The following ZFAT variants were observed in gnomAD, a reference collection of about 807,000 sequenced individuals.
ZFAT encodes zinc finger and AT-hook domain containing.
A neutral mutation model predicts 117.7 loss-of-function variants in ZFAT; 64 were observed. That is an observed-to-expected ratio of 0.54 (90% confidence interval 0.44 to 0.67). The LOEUF (loss-of-function observed/expected upper bound fraction) is 0.67. Among genes scored for constraint, ZFAT ranks in the 30% least tolerant of loss-of-function variants. The pLI is 0.00. For synonymous variants in ZFAT, 679 were observed against 615.0 expected, an observed-to-expected ratio of 1.10 and a Z score of -1.54; for missense variants, 1,433 against 1,584.5, an observed-to-expected ratio of 0.90 and a Z score of 1.62.
At chr8:134,656,458 T>G (rs994647009) in intron 2 of ZFAT, among the ~76,000 whole-genome samples, 5 of 152,164 alleles carry the variant, frequency 3.3e-5, no homozygotes, top group Admixed American at 1.3e-4. Flanking sequence ...GTGCTGCATC[T>G]TTTTCATTTT....
the ZFAT span, among the ~76,000 whole-genome samples, chr8:134,809,607 C>T: frequency 2.0e-5 from 3 of 152,188 alleles, no homozygotes; most frequent in African/African-American, 2.4e-5. Context: ...TGGAGTGATG[C>T]TATTACAGAC....
At chr8:134,552,717 T>C (rs1823261517) in intron 11 of ZFAT, among the ~76,000 whole-genome samples, 1 of 152,232 alleles carries the variant, frequency 6.6e-6, no homozygotes, top group Non-Finnish European at 1.5e-5. Context: ...AGGAGTGATC[T>C]GAGCTATTTG....
intron 12 of ZFAT, among the ~76,000 whole-genome samples, chr8:134,523,507 G>A (rs761870347): frequency 6.6e-6 from 1 of 152,168 alleles, no homozygotes; most frequent in Non-Finnish European, 1.5e-5. Context: ...TCTCTCAGCA[G>A]CTATTGTCTA....
chr8:134,533,580 C>G (rs1486581860), intron 11 of ZFAT, among the ~76,000 whole-genome samples: 1 of 152,206 alleles, frequency 6.6e-6, no homozygotes, highest in Non-Finnish European at 1.5e-5. Context: ...GTATTTGCTT[C>G]TTTAGCTAAA....
the ZFAT span, among the ~76,000 whole-genome samples, chr8:134,798,682 C>G: frequency 6.6e-6 from 1 of 151,860 alleles, no homozygotes. Context: ...ATTACATAAT[C>G]AGGAATGTAT....
At chr8:134,762,288 C>T in the ZFAT span, among the ~76,000 whole-genome samples, 1 of 152,198 alleles carries the variant, frequency 6.6e-6, no homozygotes, top group South Asian at 2.1e-4. Flanking sequence ...CATTTCTTTG[C>T]ACCTCTTTAA....
the ZFAT span, among the ~76,000 whole-genome samples, chr8:134,737,882 A>G: frequency 6.6e-6 from 1 of 152,164 alleles, no homozygotes; most frequent in African/African-American, 2.4e-5. Flanking sequence ...TTTATACCCC[A>G]TCAATTATTT....
the ZFAT span, among the ~76,000 whole-genome samples, chr8:134,741,856 G>GA: frequency 2.1e-3 from 290 of 139,608 alleles, 1 homozygote; most frequent in South Asian, 7.4e-3. Flanking sequence ...CCAGTCACTT[G>GA]AAAAAAAAAA....
At chr8:134,740,037 G>C in the ZFAT span, among the ~76,000 whole-genome samples, 327 of 152,334 alleles carry the variant, frequency 2.1e-3, no homozygotes, top group African/African-American at 7.3e-3. Context: ...AGAACCAAGT[G>C]TCAGTTGTCT....
intron 11 of ZFAT, among the ~76,000 whole-genome samples, chr8:134,533,580 C>T (rs1486581860): frequency 6.6e-6 from 1 of 152,206 alleles, no homozygotes. Flanking sequence ...GTATTTGCTT[C>T]TTTAGCTAAA....
At chr8:134,812,021 G>A in the ZFAT span, among the ~76,000 whole-genome samples, 6 of 152,232 alleles carry the variant, frequency 3.9e-5, no homozygotes. Flanking sequence ...GCAGGCGCCT[G>A]TAATCCCAGC....
the ZFAT span, among the ~76,000 whole-genome samples, chr8:134,825,805 G>A: frequency 6.6e-6 from 1 of 152,146 alleles, no homozygotes; most frequent in African/African-American, 2.4e-5. Context: ...CGGATCACGA[G>A]GTCAGGAGAT....
intron 7 of ZFAT, among the ~76,000 whole-genome samples, chr8:134,591,500 T>C (rs1826499256): frequency 6.6e-6 from 1 of 152,220 alleles, no homozygotes. Context: ...CATATCACTC[T>C]TTTCCCCTAG....
chr8:134,672,141 G>T (rs1409739359), intron 1 of ZFAT, among the ~76,000 whole-genome samples: 1 of 152,258 alleles, frequency 6.6e-6, no homozygotes, highest in African/African-American at 2.4e-5. Context: ...CATGTTCATG[G>T]ATAGGAAGAA....
At chr8:134,584,211 G>A (rs922433968) in intron 9 of ZFAT, among the ~76,000 whole-genome samples, 13 of 152,182 alleles carry the variant, frequency 8.5e-5, no homozygotes, top group Admixed American at 3.9e-4. Flanking sequence ...CTATGCCTTC[G>A]TCCTGGGATG....
the ZFAT span, among the ~76,000 whole-genome samples, chr8:134,770,340 A>G: frequency 6.6e-6 from 1 of 152,234 alleles, no homozygotes; most frequent in South Asian, 2.1e-4. Context: ...TGAAGATTTT[A>G]TGGACATTTA....
chr8:134,642,817 C>G (rs975823818), intron 2 of ZFAT, among the ~76,000 whole-genome samples: 1 of 152,244 alleles, frequency 6.6e-6, no homozygotes, highest in Non-Finnish European at 1.5e-5. Flanking sequence ...AAGGCCCTGA[C>G]AGTCAATCTC....
chr8:134,606,468 A>G (rs931303475), intron 5 of ZFAT, among the ~76,000 whole-genome samples: 60 of 152,206 alleles, frequency 3.9e-4, no homozygotes, highest in African/African-American at 1.4e-3. Flanking sequence ...TAATTCCAGC[A>G]TTTTGGGAGG....
At chr8:134,513,250 C>T (rs1473781182) in intron 13 of ZFAT, among the ~76,000 whole-genome samples, 8 of 148,052 alleles carry the variant, frequency 5.4e-5, no homozygotes, top group African/African-American at 1.0e-4. Context: ...CAGGCTGGAG[C>T]GCGGTGGCGC....
Sources: gnomAD v4.1 joint callset for allele counts (sites outside exome capture counted in the v4.1 genomes callset) on GRCh38, gnomAD v4.1.1 for gene constraint, MANE v1.5 for transcripts, NCBI Gene and HGNC (gene_info 2026-07-23, HGNC 2026-07-21) for gene names.